Variants in TPR observed in about 807,000 individuals in gnomAD.
The protein encoded by TPR is nucleoprotein TPR.
TPR carries 51 observed loss-of-function variants against 316.1 expected under a neutral mutation model. That is an observed-to-expected ratio of 0.16 (90% confidence interval 0.13 to 0.20). TPR has a LOEUF of 0.20. Ranked by LOEUF, TPR falls within the 10% of genes least tolerant of loss-of-function variation. The pLI is 1.00. For synonymous variants in TPR, 981 were observed against 914.7 expected, an observed-to-expected ratio of 1.07 and a Z score of -1.31; for missense variants, 2,272 against 2,754.8, an observed-to-expected ratio of 0.82 and a Z score of 3.92.
intron 2 of TPR, among the ~76,000 whole-genome samples, chr1:186,373,085 AAAC>A (rs1659582755): frequency 6.6e-6 from 1 of 152,196 alleles, no homozygotes; most frequent in South Asian, 2.1e-4. Context: ...ACCATTTTAT[AAAC>A]AATAATCAGA....
At chr1:186,355,920 T>C (rs1659014348) in intron 15 of TPR, 152 bp from the exon 16 acceptor site, 2 of 948,230 alleles carry the variant, frequency 2.1e-6, no homozygotes, top group African/African-American at 1.7e-5. Context: ...AAATAAGGAA[T>C]CTACTAAACA....
rs1657399951 is a variant in TPR at position 186,313,030 on chromosome 1, A to G, written c.*941T>C. ...GGTACTTATTCTAATTGCTGTGGAA[A>G]AGAGTTAAGACTTTTGCTTTAATTT... On this transcript the variant is annotated 3_prime_UTR_variant, in exon 51 of 51. Coordinates refer to ENST00000367478, the MANE Select transcript of TPR (RefSeq NM_003292.3). 1.1e-6 allele frequency: 1 copy of G among 947,146 alleles called. No individual in the cohort carries two copies. The highest frequency in any genetic ancestry group is 1.6e-6 in the Non-Finnish European group (1 of 607,748). 58.7% of individuals were successfully genotyped at this position (947,146 alleles called of 1,614,324 possible). A position where few individuals can be genotyped will look rare whatever the true frequency, so the allele number is the denominator to read the frequency against.
At position 186,360,254 on chromosome 1, in the gene TPR, C is replaced by G. The variant is rs781013776; in HGVS notation, c.1191+19G>C. The G allele has an allele frequency of 1.6e-5, 25 of 1,607,298 alleles. No homozygotes were observed. The highest frequency in any genetic ancestry group is 2.1e-5 in the Non-Finnish European group (25 of 1,176,666). ...TTGCTGAAGAAAAAGAATTTAACAA[C>G]ATTTAATACCATTCTTACCTCAGTT... On this transcript the variant is annotated intron_variant, in intron 11 of 50. Coordinates refer to ENST00000367478, the MANE Select transcript of TPR (RefSeq NM_003292.3).
rs1657278811 is a variant in TPR, at chr1:186,311,992, A to G, written c.*1979T>C. On this transcript the variant is annotated 3_prime_UTR_variant, in exon 51 of 51. Transcript: ENST00000367478. The stretch of plus-strand genomic sequence containing the variant: ...ATTTGCTGCATCTATTCATTCAACA[A>G]GTATTTCAGTTTAATAATTATTTTT... The G allele has an allele frequency of 5.1e-6, 3 of 587,610 alleles. No individual in the cohort carries two copies. The highest frequency in any genetic ancestry group is 8.9e-6 in the Non-Finnish European group (3 of 337,814). The allele number at this position is 587,610 out of a possible 1,614,324, so 36.4% of individuals were successfully genotyped here.
rs778391892 is a variant in TPR, at chr1:186,338,067, G to A, written c.4328C>T (p.Thr1443Ile). ...TTGTGCTTTAAGTTCTTCATATTGA[G>A]TCTTGTACCTACGTCCAATTTTCTT... The part of the protein sequence containing the change: ...QVKKIGRRYK[T>I]QYEELKAQQD... The change falls in exon 31 of 51, where the codon ACT becomes ATT. Residue 1443 changes from threonine (T) to isoleucine (I), a missense_variant. Coordinates refer to ENST00000367478, the MANE Select transcript of TPR (RefSeq NM_003292.3). The A allele has an allele frequency of 5.0e-6, 8 of 1,611,460 alleles. No homozygotes were observed.
chr1:186,327,381 CA>C, intron 40 of TPR, 78 bp downstream of exon 40: 1 of 1,300,316 alleles, frequency 7.7e-7, no homozygotes, highest in Non-Finnish European at 1.1e-6. Flanking sequence ...AATTTACAGC[CA>C]ATGCATTAGT....
At chr1:186,351,518 CA>C (rs762857813) in intron 19 of TPR, 48 bp from the exon 20 acceptor site, 9 of 1,482,976 alleles carry the variant, frequency 6.1e-6, no homozygotes, top group Non-Finnish European at 6.2e-6. Flanking sequence ...AAAGGCAATA[CA>C]AAAAAATAAA....
rs1454383719 is a variant in TPR, at chr1:186,318,820, T to C, written c.6577A>G (p.Met2193Val). ...GQLASQGGLG[M>V]YETPLFLAHE... Reference sequence around the variant, plus strand: ...GCTAGGAACAGGGGTGTTTCATACATTCCTAAACCTAAAGACAATTCTGAA... The same window carrying C: ...GCTAGGAACAGGGGTGTTTCATACACTCCTAAACCTAAAGACAATTCTGAA... The change falls in exon 47 of 51, where the codon ATG becomes GTG. Residue 2193 changes from methionine (M) to valine (V), a missense_variant. This residue lies in a region of TPR where 88 missense variants were observed against 176.2 expected (regional missense o/e 0.50). Coordinates refer to ENST00000367478, the MANE Select transcript of TPR (RefSeq NM_003292.3). 1 of 1,614,032 alleles carries C rather than the reference T, an allele frequency of 6.2e-7. No individual in the cohort carries two copies. Among genetic ancestry groups the C allele is most frequent in the Non-Finnish European group, 8.5e-7 (1 of 1,179,980 alleles).
chr1:186,365,114 T>TTTTTTTTTG (rs1558036794), intron 4 of TPR, among the ~76,000 whole-genome samples: 2 of 151,170 alleles, frequency 1.3e-5, no homozygotes, highest in African/African-American at 2.4e-5. Flanking sequence ...TTTTTTTTTT[T>TTTTTTTTTG]GGAGACAGTC....
rs1389186505 is a variant in TPR at position 186,359,943 on chromosome 1, C to T, written c.1245G>A (p.Glu415=). 5.0e-6 allele frequency: 8 copies of T among 1,608,808 alleles called. No homozygotes were observed. Among genetic ancestry groups the T allele is most frequent in the Non-Finnish European group, 6.8e-6 (8 of 1,178,620 alleles). The change falls in exon 12 of 51, where the codon GAG becomes GAA. Residue 415 remains glutamate, a synonymous_variant. Transcript: ENST00000367478. Reference sequence around the variant, plus strand: ...CTAGGTACTTATTAATTCTTTTGTTCTCTAGTTTCTCCAAAAGCAACTGAT... The same window carrying T: ...CTAGGTACTTATTAATTCTTTTGTTTTCTAGTTTCTCCAAAAGCAACTGAT... The part of the protein sequence containing the change: ...TQDQLLLEKL[E]NKRINKYLDE...
rs1659670520 is a variant in TPR at position 186,375,029 on chromosome 1, G to T, written c.-1C>A. The stretch of plus-strand genomic sequence containing the variant: ...GGACTTGCTGCAACACCGCCGCCAT[G>T]TCGGTGGGGCCAGGGACCCCAGTGG... On this transcript the variant is annotated 5_prime_UTR_variant, in exon 1 of 51. Transcript: ENST00000367478. 1 of 1,614,042 alleles carries T rather than the reference G, an allele frequency of 6.2e-7. No individual in the cohort carries two copies. The highest frequency in any genetic ancestry group is 1.3e-5 in the African/African-American group (1 of 75,032).
chr1:186,352,115 A>C lies in TPR; in HGVS notation c.2335-5T>G, dbSNP rs1294165237. The C allele has an allele frequency of 6.3e-7, 1 of 1,583,646 alleles. No homozygotes were observed. The highest frequency in any genetic ancestry group is 8.5e-7 in the Non-Finnish European group (1 of 1,170,354). ...CTTCAAATTTTCTGCTCTTACCTAA[A>C]CATAAGTAGAAATGAAATAAAAAAT... is the stretch of plus-strand genomic sequence containing the variant. On this transcript the variant is annotated splice_polypyrimidine_tract_variant and splice_region_variant and intron_variant, in intron 18 of 50. Transcript: ENST00000367478.
In TPR at chr1:186,360,799, A is replaced by G. The variant is rs376365070; in HGVS notation, c.1065T>C (p.Asn355=). ...TTGTGGCAGAAAGAAGGTCATTTGCATTCTCTAATTCCTTCTCCAATCTCC... is the reference window on the plus strand; with the variant it reads ...TTGTGGCAGAAAGAAGGTCATTTGCGTTCTCTAATTCCTTCTCCAATCTCC... ...KIGRLEKELE[N]ANDLLSATKR... Residue 355 remains asparagine, a synonymous_variant, in exon 10 of 51, where the codon AAT becomes AAC. Coordinates refer to ENST00000367478, the MANE Select transcript of TPR (RefSeq NM_003292.3). The G allele has an allele frequency of 2.2e-5, 36 of 1,612,934 alleles. No homozygotes were observed. The highest frequency in any genetic ancestry group is 3.3e-5 in the South Asian group (3 of 91,046).
chr1:186,312,295 A>G lies in TPR; in HGVS notation c.*1676T>C, dbSNP rs760435378. 1.1e-5 allele frequency: 18 copies of G among 1,613,728 alleles called. No homozygotes were observed. The highest frequency in any genetic ancestry group is 1.4e-5 in the Non-Finnish European group (17 of 1,179,930). On this transcript the variant is annotated 3_prime_UTR_variant, in exon 51 of 51. Transcript: ENST00000367478. ...ACACAGGTTAGGAGACGTCGCTTTGAACGTGCTATAGGACCTTCTCAAACA... is the reference window on the plus strand; with the variant it reads ...ACACAGGTTAGGAGACGTCGCTTTGGACGTGCTATAGGACCTTCTCAAACA...
Position 186,318,785 on chromosome 1 carries a change from T to A in TPR, c.6612A>T (p.Glu2204Asp). 2 of 1,614,192 alleles carry A rather than the reference T, an allele frequency of 1.2e-6. No homozygotes were observed. Among genetic ancestry groups the A allele is most frequent in the Non-Finnish European group, 1.7e-6 (2 of 1,180,044 alleles). The change falls in exon 47 of 51, where the codon GAA (glutamate) becomes GAT (aspartate). Residue 2204 changes from glutamate (E) to aspartate (D), a missense_variant. Transcript: ENST00000367478. ...YETPLFLAHE[E>D]ESGGRSVPTT... ...TGGGAACACTTCGGCCACCTGACTC[T>A]TCTTCATGAGCTAGGAACAGGGGTG... is the stretch of plus-strand genomic sequence containing the variant.
In TPR at chr1:186,313,907, G is replaced by A; in HGVS notation, c.*64C>T. Reference sequence around the variant, plus strand: ...TATATATAAAAATGTTTTTAAACTTGACAATCATTACACTAAAACAGATTT... The same window carrying A: ...TATATATAAAAATGTTTTTAAACTTAACAATCATTACACTAAAACAGATTT... On this transcript the variant is annotated 3_prime_UTR_variant, in exon 51 of 51. Coordinates refer to ENST00000367478, the MANE Select transcript of TPR (RefSeq NM_003292.3). The A allele has an allele frequency of 1.3e-6, 2 of 1,562,376 alleles. No homozygotes were observed. Among genetic ancestry groups the A allele is most frequent in the Non-Finnish European group, 1.8e-6 (2 of 1,135,220 alleles).
chr1:186,361,961 G>A (rs1296009850), intron 7 of TPR, 92 bp from the exon 8 acceptor site: 28 of 1,267,392 alleles, frequency 2.2e-5, no homozygotes, highest in Non-Finnish European at 3.0e-5. Context: ...TTTTTGTAAA[G>A]TAAGAGCTAA....
chr1:186,367,666 CTTT>C (rs1026615074), intron 4 of TPR, among the ~76,000 whole-genome samples: 1 of 152,186 alleles, frequency 6.6e-6, no homozygotes, highest in Admixed American at 6.5e-5. Flanking sequence ...ATTACTACTT[CTTT>C]GAGATGTTCT....
intron 50 of TPR, 175 bp from the exon 51 acceptor site, chr1:186,314,201 A>C (rs550867631): frequency 1.3e-4 from 74 of 566,760 alleles, no homozygotes; most frequent in African/African-American, 1.2e-3. Flanking sequence ...TTTTTGTGAC[A>C]CAAGTACAAT....
Sources: allele counts gnomAD v4.1 joint callset (sites outside exome capture counted in the v4.1 genomes callset), GRCh38; gene constraint gnomAD v4.1.1; regional missense constraint gnomAD v4.1.1; transcripts MANE v1.5; gene names NCBI Gene and HGNC (gene_info 2026-07-23, HGNC 2026-07-21).